The following NPC1 variants were observed in gnomAD, a reference collection of about 807,000 sequenced individuals.
The protein encoded by NPC1 is NPC intracellular cholesterol transporter 1.
In NPC1, 85 loss-of-function variants were observed where a neutral mutation model predicts 140.4. The observed-to-expected ratio is 0.61, with a 90% CI of 0.51 to 0.72. The LOEUF is 0.72. NPC1 is among the 30% of genes least tolerant of loss of function. NPC1 has a pLI of 0.00. For missense variants in NPC1, 1,504 were observed against 1,623.8 expected (o/e 0.93, Z 1.27); for synonymous variants, 656 against 624.8 (o/e 1.05, Z -0.74).
At chr18:23,575,836 C>T (rs961323714) in intron 1 of NPC1, among the ~76,000 whole-genome samples, 1 of 148,796 alleles carries the variant, frequency 6.7e-6, no homozygotes, top group Non-Finnish European at 1.5e-5. Flanking sequence ...CCTATAATCC[C>T]AGCACTTTGG....
intron 4 of NPC1, among the ~76,000 whole-genome samples, chr18:23,566,872 A>C (rs2059133548): frequency 6.6e-6 from 1 of 152,134 alleles, no homozygotes; most frequent in East Asian, 1.9e-4. Flanking sequence ...GCAATCACTG[A>C]CTTTTTACTG....
intron 3 of NPC1, among the ~76,000 whole-genome samples, chr18:23,512,583 A>T (rs1359980384): frequency 6.7e-6 from 1 of 149,012 alleles, no homozygotes; most frequent in East Asian, 2.0e-4. Flanking sequence ...AGCACGCCCA[A>T]CTTAATTTTT....
intron 16 of NPC1, among the ~76,000 whole-genome samples, 161 bp downstream of exon 16, chr18:23,540,907 G>A (rs1399746304): frequency 1.3e-5 from 2 of 152,134 alleles, no homozygotes; most frequent in Non-Finnish European, 2.9e-5. Context: ...AAGCTCACAG[G>A]AAAAACATTT....
chr18:23,531,522 A>T lies in NPC1; in HGVS notation c.*680T>A. 2.6e-6 allele frequency: 4 copies of T among 1,516,868 alleles called. No individual in the cohort carries two copies. The highest frequency in any genetic ancestry group is 2.3e-5 in the Admixed American group (1 of 43,298). 94.0% of individuals were successfully genotyped at this position (1,516,868 alleles called of 1,614,324 possible). A position where few individuals can be genotyped will look rare whatever the true frequency, so the allele number is the denominator to read the frequency against. ...ACTTAGGAAAACAATGTATTTTATT[A>T]AAGAAAAATAAGTTAAAACCCAGTA... On this transcript the variant is annotated 3_prime_UTR_variant, in exon 25 of 25. Transcript: ENST00000269228.
At chr18:23,529,829 T>C, downstream of NPC1, 2 of 1,136,808 alleles carry the variant, frequency 1.8e-6, no homozygotes, top group East Asian at 2.3e-5. Flanking sequence ...TGACTCAGAA[T>C]GCTGAGTGAC....
At position 23,544,950 on chromosome 18, in the gene NPC1, C is replaced by CCA. The variant is rs1555634684; in HGVS notation, c.1947+9_1947+10insTG. 3.7e-5 allele frequency: 52 copies of CCA among 1,415,878 alleles called. 3 individuals are homozygous for CCA. In the South Asian group the frequency reaches 5.7e-4, roughly 15 times the overall value. 87.7% of individuals were successfully genotyped at this position (1,415,878 alleles called of 1,614,324 possible). On this transcript the variant is annotated intron_variant, in intron 12 of 24. Coordinates refer to ENST00000269228, the MANE Select transcript of NPC1 (RefSeq NM_000271.5). ...ACCTCTAGAACATACACCACCCCCC[C>CCA]CCGGCTTACCAGAAGCCTGCGACAG...
downstream of NPC1, among the ~76,000 whole-genome samples, chr18:23,527,057 A>C (rs1011762539): frequency 2.2e-4 from 33 of 152,046 alleles, no homozygotes; most frequent in African/African-American, 8.0e-4. Flanking sequence ...TTCAAAATCC[A>C]AGCCACTCAC....
intron 1 of NPC1, among the ~76,000 whole-genome samples, chr18:23,579,555 G>A (rs574661445): frequency 6.6e-6 from 1 of 152,128 alleles, no homozygotes; most frequent in Non-Finnish European, 1.5e-5. Flanking sequence ...GGATAGGGAA[G>A]CTTCTTTCAA....
In NPC1 at chr18:23,586,282, C is replaced by G. The variant is rs1425231411; in HGVS notation, c.57+5G>C. 1 of 1,532,484 alleles carries G rather than the reference C, an allele frequency of 6.5e-7. No homozygotes were observed. Among genetic ancestry groups the G allele is most frequent in the African/African-American group, 1.4e-5 (1 of 72,826 alleles). 94.9% of individuals were successfully genotyped at this position (1,532,484 alleles called of 1,614,324 possible). ...AGGGCGTCCCGGTGGCCGGCGACCG[C>G]TCACCTGCGCTGGACACAGTAGCAG... On this transcript the variant is annotated splice_donor_5th_base_variant and intron_variant, in intron 1 of 24. Transcript: ENST00000269228.
At chr18:23,533,800 CCAGCCCTTATGGGG>C in intron 23 of NPC1, 1 of 441,780 alleles carries the variant, frequency 2.3e-6, no homozygotes, top group South Asian at 2.1e-5. Flanking sequence ...GCCACCGTGG[CCAGCCCTTATGGGG>C]ATTTCTTAAT....
chr18:23,507,041 C>T, intron 3 of NPC1: 1 of 1,602,886 alleles, frequency 6.2e-7, no homozygotes, highest in Non-Finnish European at 8.5e-7. Context: ...GTTCAGAGGA[C>T]CTCAAAGACT....
downstream of NPC1, chr18:23,526,783 C>G (rs1442760779): frequency 6.2e-7 from 1 of 1,612,266 alleles, no homozygotes; most frequent in Admixed American, 1.7e-5. Flanking sequence ...GAATCCTTCC[C>G]CCTTGCTCTG....
chr18:23,527,932 T>C (rs1478063988), downstream of NPC1: 3 of 1,523,082 alleles, frequency 2.0e-6, no homozygotes, highest in South Asian at 1.2e-5. Context: ...CAAAGGGTCC[T>C]CCTCCCCCAC....
intron 24 of NPC1, among the ~76,000 whole-genome samples, chr18:23,532,694 T>C (rs2058551146): frequency 1.1e-5 from 1 of 91,438 alleles, no homozygotes; most frequent in Non-Finnish European, 2.0e-5. Flanking sequence ...AGTGCTCATC[T>C]CTTTTTTTTT....
At chr18:23,551,849 A>C (rs936637367) in intron 9 of NPC1, 122 bp from the exon 10 acceptor site, 1 of 766,784 alleles carries the variant, frequency 1.3e-6, no homozygotes. Flanking sequence ...ATGGGCCCTG[A>C]GGTTTCTCAG....
chr18:23,527,643 T>A, downstream of NPC1: 2 of 305,720 alleles, frequency 6.5e-6, no homozygotes, highest in Non-Finnish European at 5.8e-6. Context: ...GCGAATGACA[T>A]CTAGCTGTCA....
intron 4 of NPC1, among the ~76,000 whole-genome samples, chr18:23,564,498 T>C (rs1486518833): frequency 1.3e-5 from 2 of 151,392 alleles, no homozygotes; most frequent in Non-Finnish European, 2.9e-5. Flanking sequence ...TGGCTAATTA[T>C]TTTTTGTAGA....
chr18:23,546,275 A>AG (rs981554554), intron 11 of NPC1, among the ~76,000 whole-genome samples: 9 of 145,770 alleles, frequency 6.2e-5, no homozygotes, highest in African/African-American at 2.0e-4. Context: ...AAAAAAAAAA[A>AG]AAGAAATGCA....
rs1055680207 is a variant in NPC1, at chr18:23,536,536, T to C, written c.3245+137A>G. 8.3e-6 allele frequency: 6 copies of C among 719,868 alleles called. No homozygotes were observed. The Admixed American group carries it at 1.1e-4, about 13-fold the overall frequency. 44.6% of individuals were successfully genotyped at this position (719,868 alleles called of 1,614,324 possible). A position where few individuals can be genotyped will look rare whatever the true frequency, so the allele number is the denominator to read the frequency against. On this transcript the variant is annotated intron_variant, in intron 21 of 24. Coordinates refer to ENST00000269228, the MANE Select transcript of NPC1 (RefSeq NM_000271.5). ...TGCCCAGCACCCATTTCCTTTGATATACTGCCCTGTGCTCAGAATGGAGCA... is the reference window on the plus strand; with the variant it reads ...TGCCCAGCACCCATTTCCTTTGATACACTGCCCTGTGCTCAGAATGGAGCA...
Sources: allele counts gnomAD v4.1 joint callset (sites outside exome capture counted in the v4.1 genomes callset), GRCh38; gene constraint gnomAD v4.1.1; transcripts MANE v1.5; gene names NCBI Gene and HGNC (gene_info 2026-07-23, HGNC 2026-07-21).